CDH11: variants seen among roughly 807,000 people sequenced by gnomAD.
CDH11 encodes the protein cadherin-11.
In CDH11, 11 loss-of-function variants were observed where a neutral mutation model predicts 67.8. That is an observed-to-expected ratio of 0.16 (90% CI 0.10 to 0.27). The LOEUF is 0.27. CDH11 is among the 10% of genes least tolerant of loss of function. The pLI, the probability that CDH11 is intolerant of heterozygous loss-of-function variation, is 1.00. For missense variants in CDH11, 847 were observed against 1,031.2 expected, an observed-to-expected ratio of 0.82 and a Z score of 2.45; for synonymous variants, 419 against 400.0, an observed-to-expected ratio of 1.05 and a Z score of -0.57.
intron 2 of CDH11, among the ~76,000 whole-genome samples, chr16:65,007,909 C>G (rs2073094801): frequency 6.6e-6 from 1 of 152,114 alleles, no homozygotes; most frequent in South Asian, 2.1e-4. Context: ...CACATTTCAA[C>G]TCTAAACTTG....
Position 65,073,084 on chromosome 16 carries a change from C to G in CDH11, c.-297-19156G>C, listed in dbSNP as rs182997011. 4.9e-3 allele frequency among the ~76,000 whole-genome samples: 739 copies of G among 152,152 alleles called. 6 individuals carry two copies. Among genetic ancestry groups the G allele is most frequent in the African/African-American group, 0.016 (674 of 41,506 alleles). On this transcript the variant is annotated intron_variant, in intron 1 of 12. Coordinates refer to ENST00000268603, the MANE Select transcript of CDH11 (RefSeq NM_001797.4). ...AATGCTACATTTTTTTGTGTCTAAC[C>G]ACAGTTATTGAAAATCCAATAATAT...
chr16:65,000,162 G>A (rs914362174), intron 3 of CDH11, among the ~76,000 whole-genome samples: 5 of 152,130 alleles, frequency 3.3e-5, no homozygotes, highest in African/African-American at 1.2e-4. Flanking sequence ...CACTTGTCAG[G>A]TCCAAGAAAT....
At chr16:65,047,834 C>T (rs2073989059) in intron 2 of CDH11, among the ~76,000 whole-genome samples, 1 of 152,110 alleles carries the variant, frequency 6.6e-6, no homozygotes, top group South Asian at 2.1e-4. Flanking sequence ...CCGGTTTCTC[C>T]TGATAAATCC....
intron 3 of CDH11, among the ~76,000 whole-genome samples, chr16:65,004,379 A>G (rs2072997918): frequency 6.6e-6 from 1 of 152,202 alleles, no homozygotes; most frequent in African/African-American, 2.4e-5. Flanking sequence ...TATCTAAATA[A>G]TATGGTAAAT....
At position 65,031,090 on chromosome 16, in the gene CDH11, A is replaced by T. The variant is rs538645911; in HGVS notation, c.-173+22714T>A. Among the ~76,000 whole-genome samples, 5 of 152,296 alleles carry T rather than the reference A, an allele frequency of 3.3e-5. No individual in the cohort carries two copies. In the South Asian group the frequency reaches 1.0e-3, roughly 32 times the overall value. ...ATACAGTTCTCAGAAAACAACTAAT[A>T]CCCAAGGCCTGGAGTCAGAATAATT... On this transcript the variant is annotated intron_variant, in intron 2 of 12. Transcript: ENST00000268603.
chr16:65,106,746 T>C (rs1040768216), intron 1 of CDH11, among the ~76,000 whole-genome samples: 3 of 152,320 alleles, frequency 2.0e-5, no homozygotes, highest in Non-Finnish European at 4.4e-5. Context: ...CTTCCCTTCA[T>C]GTATGCCAGG....
rs775175215 is a variant in CDH11, at chr16:64,988,237, T to C, written c.919A>G (p.Ile307Val). The C allele has an allele frequency of 3.7e-6, 6 of 1,613,356 alleles. No individual in the cohort carries two copies. The South Asian group carries it at 4.4e-5, about 12-fold the overall frequency. ...IGENGLVTYN[I>V]VDGDGMESFE... Reference sequence around the variant, plus strand: ...GATTCCATACCATCTCCATCAACAATATTGTATGTGACTAAGCCATTTTCT... The same window carrying C: ...GATTCCATACCATCTCCATCAACAACATTGTATGTGACTAAGCCATTTTCT... The change falls in exon 7 of 13, where the codon ATT becomes GTT. Residue 307 changes from isoleucine to valine, a missense_variant. Ile to Val is a conservative substitution (Grantham distance 29). Around this residue, in one of 2 missense-constraint regions of CDH11, gnomAD observed 612 missense variants for 678.7 expected, o/e 0.90. Transcript: ENST00000268603.
At chr16:65,095,822 C>CT (rs771903084) in intron 1 of CDH11, among the ~76,000 whole-genome samples, 28 of 152,160 alleles carry the variant, frequency 1.8e-4, no homozygotes, top group Non-Finnish European at 3.8e-4. Context: ...TGTGATGATA[C>CT]TAAAAGGTTG....
At chr16:65,017,207 G>A (rs1261152201) in intron 2 of CDH11, among the ~76,000 whole-genome samples, 3 of 152,050 alleles carry the variant, frequency 2.0e-5, no homozygotes, top group East Asian at 3.9e-4. Context: ...CTAACCTCCT[G>A]GCAATGCAGC....
intron 3 of CDH11, among the ~76,000 whole-genome samples, chr16:65,003,064 G>T (rs1368958339): frequency 2.8e-5 from 4 of 141,806 alleles, no homozygotes; most frequent in African/African-American, 7.8e-5. Flanking sequence ...CAGTTCTTAT[G>T]TATCTAAGGA....
At chr16:65,075,272 C>T (rs1441381180) in intron 1 of CDH11, among the ~76,000 whole-genome samples, 1 of 152,198 alleles carries the variant, frequency 6.6e-6, no homozygotes, top group African/African-American at 2.4e-5. Context: ...CTTCTTGTCT[C>T]TGAAAGAAAC....
chr16:65,002,852 C>T (rs1282614869), intron 3 of CDH11, among the ~76,000 whole-genome samples: 2 of 152,004 alleles, frequency 1.3e-5, no homozygotes, highest in African/African-American at 4.8e-5. Context: ...TTTGACATCC[C>T]TCCCAAATAT....
At chr16:64,955,855 C>T (rs922865535) in intron 11 of CDH11, among the ~76,000 whole-genome samples, 9 of 152,298 alleles carry the variant, frequency 5.9e-5, no homozygotes, top group African/African-American at 1.9e-4. Context: ...AACCCCTTTA[C>T]TAGACACCAA....
intron 2 of CDH11, among the ~76,000 whole-genome samples, chr16:65,020,104 A>G (rs1409395495): frequency 1.3e-5 from 2 of 152,238 alleles, no homozygotes; most frequent in Admixed American, 6.5e-5. Flanking sequence ...AACATCAGAT[A>G]GAAGTACAAA....
intron 1 of CDH11, among the ~76,000 whole-genome samples, chr16:65,116,562 CT>C (rs1470176597): frequency 6.6e-6 from 1 of 152,140 alleles, no homozygotes; most frequent in Non-Finnish European, 1.5e-5. Flanking sequence ...GAAGTGAAAG[CT>C]TTTTTTCACC....
chr16:65,085,657 T>C (rs2074685351), intron 1 of CDH11, among the ~76,000 whole-genome samples: 1 of 152,224 alleles, frequency 6.6e-6, no homozygotes, highest in Non-Finnish European at 1.5e-5. Context: ...CACTCGGTTC[T>C]GCTTTTTACT....
intron 3 of CDH11, among the ~76,000 whole-genome samples, chr16:65,001,076 A>T (rs2072909537): frequency 6.6e-6 from 1 of 152,058 alleles, no homozygotes; most frequent in South Asian, 2.1e-4. Flanking sequence ...AAAATTTTGT[A>T]TTGTTTCAAT....
At chr16:64,969,934 T>G (rs567519956) in intron 11 of CDH11, among the ~76,000 whole-genome samples, 6 of 152,214 alleles carry the variant, frequency 3.9e-5, no homozygotes, top group Non-Finnish European at 7.3e-5. Flanking sequence ...TTTGCAGAAT[T>G]ATCTCTTTCA....
chr16:64,965,382 G>GA (rs925946932), intron 11 of CDH11, among the ~76,000 whole-genome samples: 4 of 151,232 alleles, frequency 2.6e-5, no homozygotes, highest in African/African-American at 4.9e-5. Flanking sequence ...ACTCCATCTC[G>GA]AAAAAAAACC....
Sources: gnomAD v4.1 joint callset for allele counts (sites outside exome capture counted in the v4.1 genomes callset) on GRCh38, gnomAD v4.1.1 for gene constraint, gnomAD v4.1.1 regional missense constraint, MANE v1.5 for transcripts, NCBI Gene and HGNC (gene_info 2026-07-23, HGNC 2026-07-21) for gene names.